GTPBP2: variants seen among roughly 807,000 people sequenced by gnomAD.
GTPBP2 encodes GTP-binding protein 2.
GTPBP2 carries 32 observed loss-of-function variants against 63.0 expected under a neutral mutation model. The observed-to-expected ratio is 0.51, with a 90% confidence interval of 0.38 to 0.68. The LOEUF (loss-of-function observed/expected upper bound fraction) is 0.68. GTPBP2 is among the 30% of genes least tolerant of loss of function. The pLI is 0.00. For missense variants in GTPBP2, 492 were observed against 796.9 expected (o/e 0.62, Z 4.61); for synonymous variants, 310 against 322.6 (o/e 0.96, Z 0.42).
chr6:43,627,036 T>C (rs1237969028), intron 1 of GTPBP2, 88 bp from the exon 2 acceptor site: 5 of 1,234,330 alleles, frequency 4.1e-6, no homozygotes, highest in Non-Finnish European at 5.8e-6. Context: ...GGTAGCTAAC[T>C]TGAGAAAGCA....
At position 43,622,074 on chromosome 6, in the gene GTPBP2, G is replaced by A. The variant is rs770834648; in HGVS notation, c.1561C>T (p.Arg521Ter). Residue 521 changes from arginine to a stop codon, truncating the protein, a stop_gained, in exon 11 of 12, where the codon CGA becomes TGA. Transcript: ENST00000307126. LOFTEE classifies it high-confidence loss of function. The surrounding 1 kb of genome is among the most constrained non-coding windows in gnomAD (Gnocchi z 5.4). ...ACGTGTACTGTCACCTGGAATCCTC[G>A]TCGGAAGGTGGTGGCATGGAACAGT... ...VLLFHATTFR[R>*]GFQVTVHVGN... is the part of the protein sequence containing the mutation. 1.9e-6 allele frequency: 3 copies of A among 1,614,070 alleles called. No individual in the cohort carries two copies. The highest frequency in any genetic ancestry group is 1.1e-5 in the South Asian group (1 of 91,084).
upstream of GTPBP2, among the ~76,000 whole-genome samples, chr6:43,630,592 A>T (rs1769847967): frequency 6.6e-6 from 1 of 151,992 alleles, no homozygotes; most frequent in Non-Finnish European, 1.5e-5. Context: ...AAAATACAAA[A>T]ATTAGCTGGG....
intron 11 of GTPBP2, 99 bp downstream of exon 11, chr6:43,621,903 GT>G: frequency 2.5e-6 from 4 of 1,593,428 alleles, no homozygotes; most frequent in Non-Finnish European, 3.4e-6. Flanking sequence ...CCTAAGTGGG[GT>G]TTTATTCCCA....
chr6:43,622,342 A>T lies in GTPBP2; in HGVS notation c.1468-175T>A, dbSNP rs1582341687. Among the ~76,000 whole-genome samples the T allele has an allele frequency of 1.3e-5, 2 of 151,772 alleles. No homozygotes were observed. The highest frequency in any genetic ancestry group is 2.9e-5 in the Non-Finnish European group (2 of 67,956). Reference sequence around the variant, plus strand: ...TCTCAGAGGGAATGAGTCTTTACCCACCTCCTACGTCCTCTAGCCCATCTA... The same window carrying T: ...TCTCAGAGGGAATGAGTCTTTACCCTCCTCCTACGTCCTCTAGCCCATCTA... On this transcript the variant is annotated intron_variant, in intron 10 of 11. Coordinates refer to ENST00000307126, the MANE Select transcript of GTPBP2 (RefSeq NM_019096.5). This position sits in a 1 kb window ranked among gnomAD's most constrained non-coding sequence, Gnocchi z 5.4.
chr6:43,626,243 C>G lies in GTPBP2; in HGVS notation c.381G>C (p.Leu127=), dbSNP rs1769335071. Residue 127 remains leucine, a synonymous_variant, in exon 3 of 12, where the codon CTG becomes CTC. Coordinates refer to ENST00000307126, the MANE Select transcript of GTPBP2 (RefSeq NM_019096.5). This position sits in a 1 kb window ranked among gnomAD's most constrained non-coding sequence, Gnocchi z 4.0. ...EEEMRASLKT[L]HRMAEKVGAD... ...AAGCATACTTCTCTGCCATCCGGTG[C>G]AGGGTCTTGAGCGAAGCTCGCATTT... The G allele has an allele frequency of 6.2e-7, 1 of 1,613,984 alleles. No homozygotes were observed.
At position 43,622,827 on chromosome 6, in the gene GTPBP2, C is replaced by T; in HGVS notation, c.1296-23G>A. 6.3e-7 allele frequency: 1 copy of T among 1,593,516 alleles called. No individual in the cohort carries two copies. The highest frequency in any genetic ancestry group is 8.6e-7 in the Non-Finnish European group (1 of 1,166,512). On this transcript the variant is annotated intron_variant, in intron 9 of 11. Coordinates refer to ENST00000307126, the MANE Select transcript of GTPBP2 (RefSeq NM_019096.5). The surrounding 1 kb of genome is among the most constrained non-coding windows in gnomAD (Gnocchi z 5.4). ...CCACTGCAGCCCAGAGGGCAGGTGGCACAGTGTCAGCCAAGGTCCCCATAC... is the reference window on the plus strand; with the variant it reads ...CCACTGCAGCCCAGAGGGCAGGTGGTACAGTGTCAGCCAAGGTCCCCATAC...
At chr6:43,629,508 G>C (rs1023571006), upstream of GTPBP2, 2 of 610,870 alleles carry the variant, frequency 3.3e-6, no homozygotes, top group African/African-American at 3.7e-5. Context: ...CTGACTTCCA[G>C]TCCTCGCGCT....
rs1262543744 is a variant in GTPBP2, at chr6:43,622,351, G to A, written c.1468-184C>T. 2.0e-5 allele frequency among the ~76,000 whole-genome samples: 3 copies of A among 151,986 alleles called. No individual in the cohort carries two copies. The highest frequency in any genetic ancestry group is 2.9e-5 in the Non-Finnish European group (2 of 68,002). On this transcript the variant is annotated intron_variant, in intron 10 of 11. Coordinates refer to ENST00000307126, the MANE Select transcript of GTPBP2 (RefSeq NM_019096.5). The surrounding 1 kb of genome is among the most constrained non-coding windows in gnomAD (Gnocchi z 5.4). The stretch of plus-strand genomic sequence containing the variant: ...GAATGAGTCTTTACCCACCTCCTAC[G>A]TCCTCTAGCCCATCTAACGCTTCAC...
Position 43,622,230 on chromosome 6 carries a change from G to T in GTPBP2, c.1468-63C>A. 4 of 1,408,004 alleles carry T rather than the reference G, an allele frequency of 2.8e-6. No homozygotes were observed. Among genetic ancestry groups the T allele is most frequent in the Non-Finnish European group, 4.0e-6 (4 of 1,010,870 alleles). The allele number at this position is 1,408,004 out of a possible 1,614,324, so 87.2% of individuals were successfully genotyped here. On this transcript the variant is annotated intron_variant, in intron 10 of 11. Coordinates refer to ENST00000307126, the MANE Select transcript of GTPBP2 (RefSeq NM_019096.5). The surrounding 1 kb of genome is among the most constrained non-coding windows in gnomAD (Gnocchi z 5.4). Reference sequence around the variant, plus strand: ...TCTAACATCAGACTCTCCCTCCCCAGCCACCCCACACCCTTTATAGCTCCT... The same window carrying T: ...TCTAACATCAGACTCTCCCTCCCCATCCACCCCACACCCTTTATAGCTCCT...
At chr6:43,628,680 G>A (rs1456082738) in intron 1 of GTPBP2, 5 of 738,560 alleles carry the variant, frequency 6.8e-6, no homozygotes, top group East Asian at 3.7e-5. Context: ...ACACGCAGTT[G>A]GTCGGGGTGC....
chr6:43,628,762 C>T (rs747346646), intron 1 of GTPBP2: 1 of 785,178 alleles, frequency 1.3e-6, no homozygotes, highest in Non-Finnish European at 2.3e-6. Context: ...CCTCCCTCTC[C>T]ACTCTTCCTC....
Position 43,626,077 on chromosome 6 carries a change from G to C in GTPBP2, c.398+149C>G, listed in dbSNP as rs1298684476. 2 of 793,448 alleles carry C rather than the reference G, an allele frequency of 2.5e-6. No homozygotes were observed. Among genetic ancestry groups the C allele is most frequent in the Non-Finnish European group, 4.2e-6 (2 of 477,668 alleles). 49.2% of individuals were successfully genotyped at this position (793,448 alleles called of 1,614,324 possible). A position where few individuals can be genotyped will look rare whatever the true frequency, so the allele number is the denominator to read the frequency against. ...AGCAAAACAGCCTAGGTCCAGTGAGGAGGGGACCAAAACACTAACCCTCCC... is the reference window on the plus strand; with the variant it reads ...AGCAAAACAGCCTAGGTCCAGTGAGCAGGGGACCAAAACACTAACCCTCCC... On this transcript the variant is annotated intron_variant, in intron 3 of 11. Coordinates refer to ENST00000307126, the MANE Select transcript of GTPBP2 (RefSeq NM_019096.5). The surrounding 1 kb of genome is among the most constrained non-coding windows in gnomAD (Gnocchi z 4.0).
At position 43,624,934 on chromosome 6, in the gene GTPBP2, G is replaced by A. The variant is rs1769177132; in HGVS notation, c.834C>T (p.Tyr278=). 6.2e-7 allele frequency: 1 copy of A among 1,614,170 alleles called. No homozygotes were observed. The highest frequency in any genetic ancestry group is 8.5e-7 in the Non-Finnish European group (1 of 1,180,026). ...CGAGGAGCAGGGCGCAGTCGGGGCA[G>A]TATGATGTGAGGCCAAAGATGGTGG... ...LHTTIFGLTS[Y]CPDCALLLVS... Residue 278 remains tyrosine, a synonymous_variant, in exon 6 of 12, where the codon TAC becomes TAT. Transcript: ENST00000307126. This position sits in a 1 kb window ranked among gnomAD's most constrained non-coding sequence, Gnocchi z 5.1.
intron 1 of GTPBP2, chr6:43,627,410 A>T (rs1769457483): frequency 1.1e-6 from 1 of 889,400 alleles, no homozygotes; most frequent in Non-Finnish European, 1.3e-6. Flanking sequence ...AAGAGGCTGC[A>T]AGAGGTTCTG....
intron 9 of GTPBP2, chr6:43,623,269 G>GT: frequency 5.7e-6 from 1 of 175,436 alleles, no homozygotes; most frequent in Non-Finnish European, 1.2e-5. Context: ...GTAGGCGCCT[G>GT]TAATTCCAGC....
Position 43,626,918 on chromosome 6 carries a change from T to G in GTPBP2, c.213+4A>C. ...CCCCTGCTTTTCCCCAGCCTAGGAC[T>G]CACTTTATATTCAATGTTTCCATCT... On this transcript the variant is annotated splice_donor_region_variant and intron_variant, in intron 2 of 11. Coordinates refer to ENST00000307126, the MANE Select transcript of GTPBP2 (RefSeq NM_019096.5). The surrounding 1 kb of genome is among the most constrained non-coding windows in gnomAD (Gnocchi z 4.0). 6.2e-7 allele frequency: 1 copy of G among 1,610,980 alleles called. No individual in the cohort carries two copies. Among genetic ancestry groups the G allele is most frequent in the East Asian group, 2.2e-5 (1 of 44,844 alleles).
chr6:43,621,803 A>C lies in GTPBP2; in HGVS notation c.1633-13T>G. On this transcript the variant is annotated splice_polypyrimidine_tract_variant and intron_variant, in intron 11 of 11. Transcript: ENST00000307126. ...TCCGCAGTTTGTCCTGCAGCAAATA[A>C]GTGGTCACTCCCCTGGCCAGTGCCT... The C allele has an allele frequency of 1.2e-6, 2 of 1,614,130 alleles. No individual in the cohort carries two copies. Among genetic ancestry groups the C allele is most frequent in the Non-Finnish European group, 1.7e-6 (2 of 1,180,000 alleles).
Position 43,622,316 on chromosome 6 carries a change from C to T in GTPBP2, c.1468-149G>A, listed in dbSNP as rs1024823789. ...AGACCTCAAAAGACAATAATCAAAA[C>T]TCTCAGAGGGAATGAGTCTTTACCC... is the stretch of plus-strand genomic sequence containing the variant. On this transcript the variant is annotated intron_variant, in intron 10 of 11. Transcript: ENST00000307126. The surrounding 1 kb of genome is among the most constrained non-coding windows in gnomAD (Gnocchi z 5.4). The T allele has an allele frequency of 2.1e-5, 15 of 707,440 alleles. No homozygotes were observed. The highest frequency in any genetic ancestry group is 1.7e-4 in the Admixed American group (6 of 34,688). The allele number at this position is 707,440 out of a possible 1,614,324, so 43.8% of individuals were successfully genotyped here. A position where few individuals can be genotyped will look rare whatever the true frequency, so the allele number is the denominator to read the frequency against.
At position 43,621,265 on chromosome 6, in the gene GTPBP2, C is replaced by T. The variant is rs979720038; in HGVS notation, c.*349G>A. On this transcript the variant is annotated 3_prime_UTR_variant, in exon 12 of 12. Transcript: ENST00000307126. ...TGTGACCATTCCTGAAGTGCAGAGA[C>T]CACACCAGCAAAACATGCCCAGTCT... The T allele has an allele frequency of 1.4e-5, 7 of 493,502 alleles. No homozygotes were observed. Among genetic ancestry groups the T allele is most frequent in the Non-Finnish European group, 2.6e-5 (7 of 267,402 alleles). The allele number at this position is 493,502 out of a possible 1,614,324, so 30.6% of individuals were successfully genotyped here. A position where few individuals can be genotyped will look rare whatever the true frequency, so the allele number is the denominator to read the frequency against.
Sources: allele counts gnomAD v4.1 joint callset (sites outside exome capture counted in the v4.1 genomes callset), GRCh38; gene constraint gnomAD v4.1.1; non-coding constraint Gnocchi (gnomAD v3.1); transcripts MANE v1.5; gene names NCBI Gene and HGNC (gene_info 2026-07-23, HGNC 2026-07-21).